The following EAF1 variants were observed in gnomAD, a reference collection of about 807,000 sequenced individuals.
The protein encoded by EAF1 is ELL associated factor 1, also known as ELL-associated factor 1.
Under a neutral mutation model 26.6 loss-of-function variants are expected in EAF1, and 19 were observed. That is an observed-to-expected ratio of 0.71 (90% CI 0.50 to 1.05). The LOEUF is 1.05. EAF1 is among the 50% of genes least tolerant of loss of function. The pLI, the probability that EAF1 is intolerant of heterozygous loss-of-function variation, is 0.00. For synonymous variants in EAF1, 102 were observed against 120.6 expected (o/e 0.85, Z 1.01); for missense variants, 260 against 335.5 (o/e 0.78, Z 1.76).
intron 5 of EAF1, among the ~76,000 whole-genome samples, chr3:15,436,930 C>CT (rs1251539330): frequency 2.0e-5 from 3 of 152,190 alleles, no homozygotes; most frequent in African/African-American, 7.2e-5. Flanking sequence ...GAGTCTCACT[C>CT]TGTCGCCCAG....
chr3:15,436,831 G>T (rs2061838942), intron 5 of EAF1, among the ~76,000 whole-genome samples: 1 of 152,186 alleles, frequency 6.6e-6, no homozygotes, highest in Admixed American at 6.5e-5. Context: ...AACATGAACA[G>T]ATAGGCTGTT....
At chr3:15,429,040 C>A (rs1007665274) in intron 1 of EAF1, among the ~76,000 whole-genome samples, 1 of 152,166 alleles carries the variant, frequency 6.6e-6, no homozygotes, top group African/African-American at 2.4e-5. Flanking sequence ...GAATTTAAAT[C>A]ATATAGTTCA....
chr3:15,436,998 C>T (rs996368497), intron 5 of EAF1, among the ~76,000 whole-genome samples: 23 of 152,044 alleles, frequency 1.5e-4, no homozygotes, highest in Non-Finnish European at 1.2e-4. Context: ...CGGGTTCAAG[C>T]GATTCTCCTG....
rs117240896 is a variant in EAF1, at chr3:15,429,216, A to G, written c.104-697A>G. Among the ~76,000 whole-genome samples the G allele has an allele frequency of 3.7e-4, 56 of 152,260 alleles. 2 individuals are homozygous for G. The East Asian group carries it at 9.3e-3, about 25-fold the overall frequency. ...GAAGTGTCTTTGTTAAAGCTGTGGA[A>G]CTGGCTGAGAGTGGTGGCTGACACT... On this transcript the variant is annotated intron_variant, in intron 1 of 5. Transcript: ENST00000396842.
chr3:15,430,053 C>A, intron 2 of EAF1, 46 bp downstream of exon 2: 2 of 1,290,278 alleles, frequency 1.6e-6, no homozygotes. Context: ...CACAATGAAT[C>A]TTTGTCTTTT....
chr3:15,434,762 A>G (rs760692829), intron 4 of EAF1, among the ~76,000 whole-genome samples: 4 of 152,218 alleles, frequency 2.6e-5, no homozygotes, highest in East Asian at 1.9e-4. Flanking sequence ...GTTTGTGGCT[A>G]TCTTTGTAGC....
In EAF1 at chr3:15,436,481, G is replaced by A. The variant is rs201575159; in HGVS notation, c.666G>A (p.Pro222=). 53 of 1,612,214 alleles carry A rather than the reference G, an allele frequency of 3.3e-5. No individual in the cohort carries two copies. The highest frequency in any genetic ancestry group is 2.0e-4 in the Admixed American group (12 of 59,964). The part of the protein sequence containing the change: ...GGEDNGPASP[P]QPSHQQPYNS... ...AGGACAATGGCCCAGCCTCTCCTCC[G>A]CAGCCTTCACACCAGCAGCCCTACA... The change falls in exon 5 of 6, where the codon CCG becomes CCA. Residue 222 remains proline (P), a synonymous_variant. Coordinates refer to ENST00000396842, the MANE Select transcript of EAF1 (RefSeq NM_033083.7).
chr3:15,431,998 AT>A (rs1279738728), intron 2 of EAF1, 88 bp from the exon 3 acceptor site: 53 of 1,398,768 alleles, frequency 3.8e-5, no homozygotes, highest in Non-Finnish European at 4.4e-5. Flanking sequence ...CTGATAAAAG[AT>A]TTCATCAGGT....
In EAF1 at chr3:15,434,493, A is replaced by G; in HGVS notation, c.481A>G (p.Lys161Glu). 6.2e-7 allele frequency: 1 copy of G among 1,614,186 alleles called. No individual in the cohort carries two copies. The highest frequency in any genetic ancestry group is 8.5e-7 in the Non-Finnish European group (1 of 1,180,030). ...AGTTGGACCCAAAACTTCTCCCTTGAAAGATAACCCCTCACCTGAACCTCA... is the reference window on the plus strand; with the variant it reads ...AGTTGGACCCAAAACTTCTCCCTTGGAAGATAACCCCTCACCTGAACCTCA... ...PPVGPKTSPL[K>E]DNPSPEPQLD... is the part of the protein sequence containing the mutation. Residue 161 changes from lysine to glutamate, a missense_variant, in exon 4 of 6, where the codon AAA becomes GAA. Coordinates refer to ENST00000396842, the MANE Select transcript of EAF1 (RefSeq NM_033083.7).
intron 4 of EAF1, 100 bp downstream of exon 4, chr3:15,434,638 C>A: frequency 7.4e-7 from 1 of 1,354,724 alleles, no homozygotes; most frequent in Admixed American, 2.0e-5. Context: ...GTGGCTGGGG[C>A]ATTCAATGCC....
intron 1 of EAF1, among the ~76,000 whole-genome samples, chr3:15,429,348 A>AG (rs2061786324): frequency 6.7e-6 from 1 of 150,240 alleles, no homozygotes; most frequent in Non-Finnish European, 1.5e-5. Flanking sequence ...AAAAAAAAAA[A>AG]AAAACAAAAA....
In EAF1 at chr3:15,428,679, C is replaced by T. The variant is rs562347670; in HGVS notation, c.103+797C>T. Among the ~76,000 whole-genome samples the T allele has an allele frequency of 5.9e-5, 9 of 152,302 alleles. No individual in the cohort carries two copies. In the South Asian group the frequency reaches 1.2e-3, roughly 21 times the overall value. On this transcript the variant is annotated intron_variant, in intron 1 of 5. Transcript: ENST00000396842. ...ACCTTTTTCTACATAATTATAGACG[C>T]TGTTGAGAGAGTGCACTTCCACCCT...
chr3:15,435,135 C>T lies in EAF1; in HGVS notation c.526+597C>T, dbSNP rs186662291. Among the ~76,000 whole-genome samples the T allele has an allele frequency of 1.5e-3, 230 of 152,240 alleles. 1 individual carries two copies. The highest frequency in any genetic ancestry group is 4.7e-3 in the African/African-American group (196 of 41,534). The stretch of plus-strand genomic sequence containing the variant: ...CTTTTAAAATACCATAAGCAAATGT[C>T]CTGTGCTAACACAAAGTGTGTAAAT... On this transcript the variant is annotated intron_variant, in intron 4 of 5. Coordinates refer to ENST00000396842, the MANE Select transcript of EAF1 (RefSeq NM_033083.7).
At chr3:15,436,220 G>A (rs890748644) in intron 4 of EAF1, 122 bp from the exon 5 acceptor site, 1 of 683,574 alleles carries the variant, frequency 1.5e-6, no homozygotes, top group Non-Finnish European at 2.3e-6. Flanking sequence ...TTGAGAAGTA[G>A]GACTTTGTTT....
chr3:15,434,559 C>A (rs908976532), intron 4 of EAF1, 21 bp downstream of exon 4: 2 of 1,612,700 alleles, frequency 1.2e-6, no homozygotes, highest in Admixed American at 1.7e-5. Flanking sequence ...TTTTCTGGAT[C>A]CATGATAGCA....
At chr3:15,430,094 A>C in intron 2 of EAF1, 87 bp downstream of exon 2, 2 of 1,062,848 alleles carry the variant, frequency 1.9e-6, no homozygotes, top group Non-Finnish European at 2.7e-6. Context: ...TCCTACTTTT[A>C]AAAATGTTTA....
chr3:15,436,155 T>G (rs2061833403), intron 4 of EAF1, 187 bp from the exon 5 acceptor site: 1 of 452,662 alleles, frequency 2.2e-6, no homozygotes, highest in Non-Finnish European at 4.0e-6. Flanking sequence ...ATTGTGTCTC[T>G]GGAAACAGGC....
intron 1 of EAF1, among the ~76,000 whole-genome samples, 180 bp downstream of exon 1, chr3:15,428,062 A>G (rs1243661795): frequency 6.6e-6 from 1 of 151,728 alleles, no homozygotes; most frequent in Non-Finnish European, 1.5e-5. Context: ...TACCCAGATT[A>G]TTTCTCCCAA....
intron 4 of EAF1, among the ~76,000 whole-genome samples, chr3:15,435,091 A>G (rs570531287): frequency 4.3e-4 from 66 of 152,060 alleles, no homozygotes; most frequent in Non-Finnish European, 7.2e-4. Context: ...TTTTGGGGGG[A>G]AAAAAAGGAT....
Sources: gnomAD v4.1 joint callset for allele counts (sites outside exome capture counted in the v4.1 genomes callset) on GRCh38, gnomAD v4.1.1 for gene constraint, MANE v1.5 for transcripts, NCBI Gene and HGNC (gene_info 2026-07-23, HGNC 2026-07-21) for gene names.